RAD18: variants seen among roughly 807,000 people sequenced by gnomAD.
RAD18 encodes the protein E3 ubiquitin-protein ligase RAD18.
A neutral mutation model predicts 60.4 loss-of-function variants in RAD18; 47 were observed. The observed-to-expected ratio is 0.78, with a 90% CI of 0.62 to 0.99. RAD18 has a LOEUF of 0.99. Among genes scored for constraint, RAD18 ranks in the 50% least tolerant of loss-of-function variants. RAD18 has a pLI of 0.00. For missense variants in RAD18, 640 were observed against 593.3 expected (o/e 1.08, Z -0.82); for synonymous variants, 225 against 195.5 (o/e 1.15, Z -1.26).
chr3:8,935,790 T>C, intron 7 of RAD18, 81 bp downstream of exon 7: 1 of 1,250,218 alleles, frequency 8.0e-7, no homozygotes, highest in African/African-American at 1.6e-5. Flanking sequence ...TTACAATATT[T>C]TTCTATGGTT....
At chr3:8,952,560 A>C in intron 2 of RAD18, among the ~76,000 whole-genome samples, 1 of 152,236 alleles carries the variant, frequency 6.6e-6, no homozygotes, top group East Asian at 1.9e-4. Context: ...ACAATTTTTA[A>C]AAAATTAATA....
chr3:8,918,318 CAAAAAAAA>C (rs56365221), intron 7 of RAD18, among the ~76,000 whole-genome samples: 272 of 73,018 alleles, frequency 3.7e-3, no homozygotes, highest in African/African-American at 0.016. Context: ...AACTCCATCT[CAAAAAAAA>C]AAAAAAAAAA....
intron 11 of RAD18, among the ~76,000 whole-genome samples, chr3:8,896,416 G>C (rs952523350): frequency 2.0e-5 from 3 of 149,596 alleles, no homozygotes; most frequent in African/African-American, 7.4e-5. Flanking sequence ...TCTGAGATTT[G>C]GAGAACAGCA....
intron 1 of RAD18, among the ~76,000 whole-genome samples, chr3:8,962,082 G>C (rs1941101829): frequency 6.6e-6 from 1 of 152,222 alleles, no homozygotes; most frequent in Non-Finnish European, 1.5e-5. Flanking sequence ...CTTGGTGTCA[G>C]GCACTGCAGT....
At chr3:8,894,694 C>T (rs1351777324) in intron 11 of RAD18, among the ~76,000 whole-genome samples, 2 of 151,588 alleles carry the variant, frequency 1.3e-5, no homozygotes, top group Non-Finnish European at 2.9e-5. Context: ...GATACATTCC[C>T]CTAAAACAAA....
At chr3:8,887,946 C>T (rs1405470929) in intron 12 of RAD18, among the ~76,000 whole-genome samples, 1 of 152,150 alleles carries the variant, frequency 6.6e-6, no homozygotes, top group African/African-American at 2.4e-5. Context: ...CTCTATCTGG[C>T]CCCAACACCC....
chr3:8,914,675 A>C (rs970480638), intron 7 of RAD18, among the ~76,000 whole-genome samples: 2 of 152,170 alleles, frequency 1.3e-5, no homozygotes, highest in Admixed American at 1.3e-4. Context: ...AAATCAGTAG[A>C]AACAATGTAA....
At chr3:8,885,230 T>A (rs1231042350) in intron 12 of RAD18, among the ~76,000 whole-genome samples, 1 of 152,200 alleles carries the variant, frequency 6.6e-6, no homozygotes. Context: ...CAAGGACCAC[T>A]GTAAACAGGC....
intron 8 of RAD18, among the ~76,000 whole-genome samples, chr3:8,912,862 T>C (rs1242620081): frequency 1.3e-5 from 2 of 152,172 alleles, no homozygotes; most frequent in East Asian, 1.9e-4. Context: ...AACCTCAGAC[T>C]TAAAAGATCA....
At chr3:8,963,206 G>T in intron 1 of RAD18, 129 bp downstream of exon 1, 1 of 1,060,352 alleles carries the variant, frequency 9.4e-7, no homozygotes. Flanking sequence ...GCAGGGCAGA[G>T]CCGGATACCC....
Position 8,955,728 on chromosome 3 carries a change from A to T in RAD18, c.133+3192T>A, listed in dbSNP as rs117807270. On this transcript the variant is annotated intron_variant, in intron 2 of 12. Transcript: ENST00000264926. The stretch of plus-strand genomic sequence containing the variant: ...GAGAAAAACAGCAGCTAATGAAAAA[A>T]CTGACCAAATCTCTCGGCTTGGAAA... Among the ~76,000 whole-genome samples, 10 of 152,316 alleles carry T rather than the reference A, an allele frequency of 6.6e-5. No individual in the cohort carries two copies. In the East Asian group the frequency reaches 1.5e-3, roughly 24 times the overall value.
At chr3:8,934,955 C>T (rs1036102246) in intron 7 of RAD18, among the ~76,000 whole-genome samples, 1 of 151,992 alleles carries the variant, frequency 6.6e-6, no homozygotes, top group African/African-American at 2.4e-5. Context: ...AGGGCAGGCA[C>T]AAAAGAATAC....
rs1290224679 is a variant in RAD18, at chr3:8,939,724, C to G, written c.605-71G>C. 5 of 1,270,452 alleles carry G rather than the reference C, an allele frequency of 3.9e-6. No homozygotes were observed. The Admixed American group carries it at 8.8e-5, about 22-fold the overall frequency. 78.7% of individuals were successfully genotyped at this position (1,270,452 alleles called of 1,614,324 possible). On this transcript the variant is annotated intron_variant, in intron 5 of 12. Coordinates refer to ENST00000264926, the MANE Select transcript of RAD18 (RefSeq NM_020165.4). ...GGGGCAAAAGTATGTAAACTGGCAT[C>G]TTTTCAGCAAGTAAAGTAAAAAAGA...
chr3:8,947,332 T>C lies in RAD18; in HGVS notation c.196-42A>G, dbSNP rs769920859. The C allele has an allele frequency of 4.1e-6, 6 of 1,449,630 alleles. No homozygotes were observed. The South Asian group carries it at 7.0e-5, about 17-fold the overall frequency. The allele number at this position is 1,449,630 out of a possible 1,614,324, so 89.8% of individuals were successfully genotyped here. A position where few individuals can be genotyped will look rare whatever the true frequency, so the allele number is the denominator to read the frequency against. On this transcript the variant is annotated intron_variant, in intron 3 of 12. Transcript: ENST00000264926. ...ACAGATGGAAAAAGGTCAAAAACAATAATCAACTTGTCATAATCTTGTTTT... is the reference window on the plus strand; with the variant it reads ...ACAGATGGAAAAAGGTCAAAAACAACAATCAACTTGTCATAATCTTGTTTT...
intron 7 of RAD18, among the ~76,000 whole-genome samples, chr3:8,927,040 A>G (rs1230791730): frequency 6.6e-6 from 1 of 152,190 alleles, no homozygotes; most frequent in Admixed American, 6.5e-5. Context: ...AATGGCAACA[A>G]AAGCCAAAAA....
Position 8,941,547 on chromosome 3 carries a change from A to G in RAD18, c.524T>C (p.Val175Ala). 2 of 1,614,076 alleles carry G rather than the reference A, an allele frequency of 1.2e-6. No individual in the cohort carries two copies. The highest frequency in any genetic ancestry group is 1.1e-5 in the South Asian group (1 of 91,068). Residue 175 changes from valine (V) to alanine (A), a missense_variant, in exon 5 of 13, where the codon GTA becomes GCA. Physicochemically the swap from Val to Ala is moderately conservative, Grantham distance 64 (BLOSUM62 0). Coordinates refer to ENST00000264926, the MANE Select transcript of RAD18 (RefSeq NM_020165.4). ...TGAGGGATCTGGAGCGATCTCTTCT[A>G]CAGAACGTGTCTCTTTGGTCTTTGC... ...PAAKTKETRS[V>A]EEIAPDPSEA...
chr3:8,919,847 TG>T (rs1370179490), intron 7 of RAD18, among the ~76,000 whole-genome samples: 4 of 73,846 alleles, frequency 5.4e-5, no homozygotes, highest in Non-Finnish European at 1.3e-4. Flanking sequence ...ATGAAAATAA[TG>T]GGGGTGTATG....
At chr3:8,937,157 G>A (rs891948532) in intron 6 of RAD18, among the ~76,000 whole-genome samples, 12 of 152,206 alleles carry the variant, frequency 7.9e-5, no homozygotes, top group Middle Eastern at 3.4e-3. Flanking sequence ...TAAAATTATG[G>A]CAAAATGAAA....
intron 1 of RAD18, 57 bp downstream of exon 1, chr3:8,963,278 G>A (rs1033930645): frequency 2.0e-6 from 3 of 1,525,836 alleles, no homozygotes; most frequent in Non-Finnish European, 2.7e-6. Flanking sequence ...CCTCCTCAAA[G>A]GGAGGGACCT....
Sources: gnomAD v4.1 joint callset for allele counts (sites outside exome capture counted in the v4.1 genomes callset) on GRCh38, gnomAD v4.1.1 for gene constraint, MANE v1.5 for transcripts, NCBI Gene and HGNC (gene_info 2026-07-23, HGNC 2026-07-21) for gene names.